The following G3BP2 variants were observed in gnomAD, a reference collection of about 807,000 sequenced individuals.
G3BP2 encodes the protein ras GTPase-activating protein-binding protein 2.
G3BP2 carries 11 observed loss-of-function variants against 56.7 expected under a neutral mutation model. The observed-to-expected ratio is 0.19, with a 90% CI of 0.12 to 0.32. G3BP2 has a LOEUF of 0.32. G3BP2 is among the 10% of genes least tolerant of loss of function. G3BP2 has a pLI of 1.00. For synonymous variants in G3BP2, 165 were observed against 191.6 expected, an observed-to-expected ratio of 0.86 and a Z score of 1.15; for missense variants, 340 against 610.9, an observed-to-expected ratio of 0.56 and a Z score of 4.67.
In G3BP2 at chr4:75,645,388, T is replaced by A; in HGVS notation, c.*42A>T. 1 of 1,552,842 alleles carries A rather than the reference T, an allele frequency of 6.4e-7. No individual in the cohort carries two copies. The highest frequency in any genetic ancestry group is 8.7e-7 in the Non-Finnish European group (1 of 1,147,176). On this transcript the variant is annotated 3_prime_UTR_variant, in exon 12 of 12. Coordinates refer to ENST00000359707, the MANE Select transcript of G3BP2 (RefSeq NM_203505.3). ...AAAATTAACAAGAATGCAAACACGA[T>A]GAATAATGTACCACTGCCAAGACTT...
At chr4:75,657,164 A>G in intron 4 of G3BP2, 150 bp from the exon 5 acceptor site, 1 of 526,494 alleles carries the variant, frequency 1.9e-6, no homozygotes, top group Non-Finnish European at 3.3e-6. Flanking sequence ...TGATGTTTAT[A>G]TAAAATAAAA....
chr4:75,649,302 G>T (rs906089979), intron 8 of G3BP2, among the ~76,000 whole-genome samples: 1 of 152,122 alleles, frequency 6.6e-6, no homozygotes, highest in Non-Finnish European at 1.5e-5. Context: ...AGGTTAAAAT[G>T]CATGTTAAAA....
Position 75,655,868 on chromosome 4 carries a change from A to T in G3BP2, c.445T>A (p.Ser149Thr), listed in dbSNP as rs773718595. Reference protein sequence around the residue: ...GDSEPELDEESEDEVEEEQEE... With the variant: ...GDSEPELDEETEDEVEEEQEE... ...TGTTCCTCTTCTACTTCATCTTCTG[A>T]TTCTGAAAATACATAATACAGCACA... Residue 149 changes from serine to threonine, a missense_variant and splice_region_variant, in exon 6 of 12, where the codon TCA becomes ACA. Physicochemically the swap from Ser to Thr is moderately conservative, Grantham distance 58. Transcript: ENST00000359707. The T allele has an allele frequency of 6.9e-7, 1 of 1,456,448 alleles. No individual in the cohort carries two copies. The highest frequency in any genetic ancestry group is 1.1e-5 in the South Asian group (1 of 87,814). 90.2% of individuals were successfully genotyped at this position (1,456,448 alleles called of 1,614,324 possible).
At chr4:75,651,577 A>C (rs1412582655) in intron 8 of G3BP2, among the ~76,000 whole-genome samples, 2 of 152,232 alleles carry the variant, frequency 1.3e-5, no homozygotes, top group African/African-American at 4.8e-5. Context: ...TAACTGATTG[A>C]CATATGTTAA....
chr4:75,684,197 C>T (rs914302809), intron 3 of G3BP2, among the ~76,000 whole-genome samples: 1 of 151,902 alleles, frequency 6.6e-6, no homozygotes, highest in African/African-American at 2.4e-5. Flanking sequence ...TGAGGTCAAG[C>T]GTTTGAGACC....
chr4:75,700,567 C>T (rs1334305285), intron 3 of G3BP2, among the ~76,000 whole-genome samples: 5 of 141,002 alleles, frequency 3.5e-5, no homozygotes, highest in Non-Finnish European at 6.2e-5. Flanking sequence ...ACTATAGGCG[C>T]GTGCCACCAC....
chr4:75,656,942 C>T lies in G3BP2; in HGVS notation c.424G>A (p.Glu142Lys). 1 of 1,524,616 alleles carries T rather than the reference C, an allele frequency of 6.6e-7. No individual in the cohort carries two copies. The highest frequency in any genetic ancestry group is 9.1e-7 in the Non-Finnish European group (1 of 1,103,712). The allele number at this position is 1,524,616 out of a possible 1,614,324, so 94.4% of individuals were successfully genotyped here. A position where few individuals can be genotyped will look rare whatever the true frequency, so the allele number is the denominator to read the frequency against. Reference protein sequence around the residue: ...RYEDEVFGDSEPELDEESEDE... With the variant: ...RYEDEVFGDSKPELDEESEDE... ...ACCTCACCTTCATCAAGTTCAGGCTCAGAATCACCAAACACTTCATCTTCA... is the reference window on the plus strand; with the variant it reads ...ACCTCACCTTCATCAAGTTCAGGCTTAGAATCACCAAACACTTCATCTTCA... The change falls in exon 5 of 12, where the codon GAG becomes AAG. Residue 142 changes from glutamate (E) to lysine (K), a missense_variant. Glu to Lys is a moderately conservative substitution (Grantham distance 56, BLOSUM62 1). Transcript: ENST00000359707.
rs2148934845 is a variant in G3BP2, at chr4:75,644,222, G to GC, written c.*1207_*1208insG. The GC allele has an allele frequency of 6.6e-6, 1 of 152,620 alleles. No individual in the cohort carries two copies. Among genetic ancestry groups the GC allele is most frequent in the South Asian group, 2.1e-4 (1 of 4,820 alleles). 9.5% of individuals were successfully genotyped at this position (152,620 alleles called of 1,614,324 possible). Reference sequence around the variant, plus strand: ...GACTGACTTTTCCAAGCCCTGAAGTGATATGTTTCAACGTCCACATTCAGG... The same window carrying GC: ...GACTGACTTTTCCAAGCCCTGAAGTGCATATGTTTCAACGTCCACATTCAGG... On this transcript the variant is annotated 3_prime_UTR_variant, in exon 12 of 12. Coordinates refer to ENST00000359707, the MANE Select transcript of G3BP2 (RefSeq NM_203505.3).
At chr4:75,713,235 A>T (rs1267068229) in intron 3 of G3BP2, among the ~76,000 whole-genome samples, 1 of 152,226 alleles carries the variant, frequency 6.6e-6, no homozygotes, top group African/African-American at 2.4e-5. Flanking sequence ...ACAGTTCTTA[A>T]CAAAATAGGT....
chr4:75,648,950 T>G (rs1293001473), intron 8 of G3BP2: 1 of 396,964 alleles, frequency 2.5e-6, no homozygotes, highest in East Asian at 3.5e-5. Context: ...TTTTCCCACT[T>G]AATGCTGTGT....
chr4:75,719,130 C>T (rs1720043902), intron 3 of G3BP2, among the ~76,000 whole-genome samples: 1 of 151,850 alleles, frequency 6.6e-6, no homozygotes, highest in Admixed American at 6.6e-5. Context: ...GGGCGGATCA[C>T]GAGGTCAGGA....
At chr4:75,704,046 G>C (rs1719448949) in intron 3 of G3BP2, among the ~76,000 whole-genome samples, 1 of 146,888 alleles carries the variant, frequency 6.8e-6, no homozygotes, top group South Asian at 2.1e-4. Context: ...TTGAGACAGA[G>C]TCTCGCTCTG....
chr4:75,683,219 C>T (rs1734149232), intron 3 of G3BP2, among the ~76,000 whole-genome samples: 1 of 152,100 alleles, frequency 6.6e-6, no homozygotes, highest in Non-Finnish European at 1.5e-5. Flanking sequence ...TGCTTTACCT[C>T]AGCAGGAAGC....
intron 3 of G3BP2, among the ~76,000 whole-genome samples, chr4:75,685,436 G>T (rs1718551595): frequency 6.6e-6 from 1 of 151,212 alleles, no homozygotes; most frequent in African/African-American, 2.4e-5. Context: ...GGGAGGTGGA[G>T]GTTGCAGTGA....
At chr4:75,654,837 A>G (rs1731964672) in intron 7 of G3BP2, 1 of 505,036 alleles carries the variant, frequency 2.0e-6, no homozygotes, top group African/African-American at 2.0e-5. Flanking sequence ...TAAACAATGC[A>G]TACAGACAAG....
At chr4:75,660,062 A>G (rs1208994255) in intron 2 of G3BP2, among the ~76,000 whole-genome samples, 1 of 152,222 alleles carries the variant, frequency 6.6e-6, no homozygotes, top group African/African-American at 2.4e-5. Context: ...GTGGAAAATT[A>G]TAACAACCTG....
chr4:75,693,856 TC>T (rs539848822), intron 3 of G3BP2, among the ~76,000 whole-genome samples: 112 of 149,366 alleles, frequency 7.5e-4, no homozygotes, highest in African/African-American at 2.7e-3. Context: ...GGCCTTAGCC[TC>T]CCAAGTAACG....
At chr4:75,665,656 A>AACACACACAC (rs368331407) in intron 1 of G3BP2, among the ~76,000 whole-genome samples, 1 of 73,104 alleles carries the variant, frequency 1.4e-5, no homozygotes, top group Non-Finnish European at 2.8e-5. Context: ...CACACAAACA[A>AACACACACAC]ACACACACAC....
At chr4:75,702,171 A>T (rs1431446653) in intron 3 of G3BP2, among the ~76,000 whole-genome samples, 47 of 107,472 alleles carry the variant, frequency 4.4e-4, no homozygotes, top group East Asian at 1.5e-3. Context: ...AAACCCCCCA[A>T]TTTTTTTTTT....
Sources: allele counts gnomAD v4.1 joint callset (sites outside exome capture counted in the v4.1 genomes callset), GRCh38; gene constraint gnomAD v4.1.1; transcripts MANE v1.5; gene names NCBI Gene and HGNC (gene_info 2026-07-23, HGNC 2026-07-21).